The following TASOR variants were observed in gnomAD, a reference collection of about 807,000 sequenced individuals.
TASOR encodes the protein transcription activation suppressor.
TASOR carries 53 observed loss-of-function variants against 178.6 expected under a neutral mutation model. The ratio of observed to expected loss-of-function variants is 0.30; its 90% CI spans 0.24 to 0.37. The LOEUF (loss-of-function observed/expected upper bound fraction) is 0.37. Among genes scored for constraint, TASOR ranks in the 10% least tolerant of loss-of-function variants. TASOR has a pLI of 1.00. For synonymous variants in TASOR, 713 were observed against 696.2 expected (o/e 1.02, Z -0.38); for missense variants, 1,815 against 1,971.4 (o/e 0.92, Z 1.50).
At chr3:56,674,127 G>A (rs2031026325) in intron 1 of TASOR, among the ~76,000 whole-genome samples, 1 of 147,614 alleles carries the variant, frequency 6.8e-6, no homozygotes, top group Non-Finnish European at 1.5e-5. Context: ...TACCATGTAT[G>A]AGACCATAAA....
chr3:56,663,955 GCA>G lies in TASOR; in HGVS notation c.1023-385_1023-384del, dbSNP rs1361417585. 1.1e-5 allele frequency: 8 copies of G among 708,758 alleles called. 1 individual carries two copies. Among genetic ancestry groups the G allele is most frequent in the Non-Finnish European group, 1.4e-5 (8 of 578,920 alleles). The allele number at this position is 708,758 out of a possible 1,614,324, so 43.9% of individuals were successfully genotyped here. ...TACATACTAAGCTCTTATTTACCAG[GCA>G]CAGTTCTAGGTAATAGGATTATAGA... On this transcript the variant is annotated intron_variant, in intron 7 of 23. Transcript: ENST00000683822.
chr3:56,632,722 T>A (rs2076941775), intron 18 of TASOR, among the ~76,000 whole-genome samples: 1 of 152,092 alleles, frequency 6.6e-6, no homozygotes, highest in Non-Finnish European at 1.5e-5. Flanking sequence ...CTAACTGTAA[T>A]CTTGAATGCC....
chr3:56,650,284 C>T (rs1208067255), intron 11 of TASOR, among the ~76,000 whole-genome samples: 1 of 152,204 alleles, frequency 6.6e-6, no homozygotes, highest in East Asian at 1.9e-4. Flanking sequence ...AACTGTGCTA[C>T]TAATTCACAT....
chr3:56,658,796 A>G (rs2077526645), intron 11 of TASOR, among the ~76,000 whole-genome samples: 2 of 152,102 alleles, frequency 1.3e-5, no homozygotes, highest in Admixed American at 6.6e-5. Flanking sequence ...AATCCCAGCT[A>G]CTCGAGAAGC....
chr3:56,669,338 C>T lies in TASOR; in HGVS notation c.735+362G>A, dbSNP rs1006508013. ...CTAACACGGTGAAAACCCGTCTCTACTAAAAATACAAAAAATTAGCCGGGC... is the reference window on the plus strand; with the variant it reads ...CTAACACGGTGAAAACCCGTCTCTATTAAAAATACAAAAAATTAGCCGGGC... On this transcript the variant is annotated intron_variant, in intron 5 of 23. Coordinates refer to ENST00000683822, the MANE Select transcript of TASOR (RefSeq NM_001365635.2). 2.6e-5 allele frequency among the ~76,000 whole-genome samples: 4 copies of T among 152,106 alleles called. No homozygotes were observed. The East Asian group carries it at 7.7e-4, about 29-fold the overall frequency.
rs745970573 is a variant in TASOR, at chr3:56,623,330, TAGA to T, written c.4717_4719del (p.Ser1573del). On this transcript the variant is annotated inframe_deletion, in exon 24 of 24. Transcript: ENST00000683822. ...TCTCCTTCAGAGCATACTATATCAA[TAGA>T]AGTTCTCTCTTCAGAATCAAGGTAA... 6.8e-6 allele frequency: 11 copies of T among 1,613,464 alleles called. No individual in the cohort carries two copies. In the East Asian group the frequency reaches 2.5e-4, roughly 36 times the overall value.
chr3:56,628,183 T>C lies in TASOR; in HGVS notation c.3870+309A>G, dbSNP rs116840380. Among the ~76,000 whole-genome samples, 722 of 152,296 alleles carry C rather than the reference T, an allele frequency of 4.7e-3. 3 individuals are homozygous for C. Among genetic ancestry groups the C allele is most frequent in the African/African-American group, 0.016 (683 of 41,572 alleles). On this transcript the variant is annotated intron_variant, in intron 19 of 23. Transcript: ENST00000683822. ...TGGTCTGGCAAAGATGGAGCACAAA[T>C]AGGTTTTTCCTAGGACATACAAATG... is the stretch of plus-strand genomic sequence containing the variant.
chr3:56,668,506 A>G lies in TASOR; in HGVS notation c.788T>C (p.Met263Thr). ...DPMGVKSLES[M>T]LNKSALDPTP... ...GGGGTCCAAAGCACTCTTATTTAAC[A>G]TAGATTCCAAACTTTTTACACCCAT... Residue 263 changes from methionine to threonine, a missense_variant, in exon 6 of 24, where the codon ATG (methionine) becomes ACG (threonine). Met to Thr is a moderately conservative substitution (Grantham distance 81, BLOSUM62 -1). Transcript: ENST00000683822. 6.4e-7 allele frequency: 1 copy of G among 1,551,596 alleles called. No individual in the cohort carries two copies. The highest frequency in any genetic ancestry group is 8.7e-7 in the Non-Finnish European group (1 of 1,146,912).
In TASOR at chr3:56,622,817, T is replaced by A. The variant is rs2076716642; in HGVS notation, c.*220A>T. 3.1e-6 allele frequency: 1 copy of A among 323,920 alleles called. No homozygotes were observed. Among genetic ancestry groups the A allele is most frequent in the Admixed American group, 4.7e-5 (1 of 21,144 alleles). The allele number at this position is 323,920 out of a possible 1,614,324, so 20.1% of individuals were successfully genotyped here. A position where few individuals can be genotyped will look rare whatever the true frequency, so the allele number is the denominator to read the frequency against. Reference sequence around the variant, plus strand: ...CTAAGTACAGGTAACATACAAAAAGTAAAACTTAGAAGTGCCAACATGAGA... The same window carrying A: ...CTAAGTACAGGTAACATACAAAAAGAAAAACTTAGAAGTGCCAACATGAGA... On this transcript the variant is annotated 3_prime_UTR_variant, in exon 24 of 24. Transcript: ENST00000683822.
intron 17 of TASOR, 75 bp from the exon 18 acceptor site, chr3:56,634,041 G>C: frequency 1.7e-6 from 2 of 1,169,116 alleles, no homozygotes; most frequent in Non-Finnish European, 2.3e-6. Context: ...CTTAAATTGG[G>C]GGAAAAAAGG....
intron 18 of TASOR, among the ~76,000 whole-genome samples, chr3:56,629,553 T>G (rs1289286153): frequency 6.6e-6 from 1 of 152,230 alleles, no homozygotes; most frequent in Non-Finnish European, 1.5e-5. Flanking sequence ...GTCAAGTTTC[T>G]GTCTTCAAAG....
chr3:56,653,062 CACA>C, intron 11 of TASOR, among the ~76,000 whole-genome samples: 1 of 151,886 alleles, frequency 6.6e-6, no homozygotes, highest in South Asian at 2.1e-4. Context: ...GTCAGGAGTT[CACA>C]ACCACTGGCC....
chr3:56,640,703 A>G (rs2077103202), intron 15 of TASOR, among the ~76,000 whole-genome samples: 1 of 152,178 alleles, frequency 6.6e-6, no homozygotes, highest in South Asian at 2.1e-4. Context: ...TGGAGACAGT[A>G]AATGAAGAAA....
In TASOR at chr3:56,671,746, G is replaced by A. The variant is rs2030759598; in HGVS notation, c.478-54C>T. On this transcript the variant is annotated intron_variant, in intron 2 of 23. Transcript: ENST00000683822. ...CTTAGCATGTGATTATGTTTTTCAA[G>A]CTACAAGTTTTATTTTTTTTTCCAA... 11 of 1,349,476 alleles carry A rather than the reference G, an allele frequency of 8.2e-6. No homozygotes were observed. The South Asian group carries it at 1.5e-4, about 18-fold the overall frequency. 83.6% of individuals were successfully genotyped at this position (1,349,476 alleles called of 1,614,324 possible).
chr3:56,662,640 T>C (rs1490662022), intron 8 of TASOR, 150 bp from the exon 9 acceptor site: 4 of 506,340 alleles, frequency 7.9e-6, no homozygotes, highest in Non-Finnish European at 1.4e-5. Context: ...TCTACACTTC[T>C]ATTTACTAAC....
intron 13 of TASOR, among the ~76,000 whole-genome samples, 198 bp downstream of exon 13, chr3:56,648,624 T>C (rs1204937485): frequency 1.3e-5 from 1 of 76,238 alleles, no homozygotes; most frequent in African/African-American, 5.8e-5. Flanking sequence ...AGAGCAAAAC[T>C]CTGTATCAAA....
rs752982935 is a variant in TASOR at position 56,624,991 on chromosome 3, A to C, written c.4155T>G (p.Ala1385=). 6.2e-7 allele frequency: 1 copy of C among 1,613,874 alleles called. No individual in the cohort carries two copies. The highest frequency in any genetic ancestry group is 8.5e-7 in the Non-Finnish European group (1 of 1,179,966). Residue 1385 remains alanine (A), a synonymous_variant, in exon 22 of 24, where the codon GCT becomes GCG. Coordinates refer to ENST00000683822, the MANE Select transcript of TASOR (RefSeq NM_001365635.2). The part of the protein sequence containing the change: ...LKELGRLNAK[A]LSLLTLLNVY... Reference sequence around the variant, plus strand: ...CATTCAGAAGCGTCAACAGACTTAGAGCTTTAGCATTCAATCTGTGAAATT... The same window carrying C: ...CATTCAGAAGCGTCAACAGACTTAGCGCTTTAGCATTCAATCTGTGAAATT...
At chr3:56,666,185 T>C in intron 7 of TASOR, 75 bp downstream of exon 7, 1 of 1,215,824 alleles carries the variant, frequency 8.2e-7, no homozygotes. Flanking sequence ...AACAAAATGG[T>C]CCTCCTAACT....
At chr3:56,678,177 ATTTTTTTT>A (rs533306611) in intron 1 of TASOR, among the ~76,000 whole-genome samples, 2 of 107,004 alleles carry the variant, frequency 1.9e-5, no homozygotes, top group African/African-American at 3.7e-5. Context: ...CACACTTATG[ATTTTTTTT>A]TTTTTTTTTT....
Sources: gnomAD v4.1 joint callset for allele counts (sites outside exome capture counted in the v4.1 genomes callset) on GRCh38, gnomAD v4.1.1 for gene constraint, MANE v1.5 for transcripts, NCBI Gene and HGNC (gene_info 2026-07-23, HGNC 2026-07-21) for gene names.